The following PUF60 variants were observed in gnomAD, a reference collection of about 807,000 sequenced individuals.
PUF60 encodes the protein poly(U)-binding-splicing factor PUF60.
In PUF60, 10 loss-of-function variants were observed where a neutral mutation model predicts 61.8. That is an observed-to-expected ratio of 0.16 (90% CI 0.10 to 0.27). The LOEUF (loss-of-function observed/expected upper bound fraction) is 0.27, where lower values mean the gene tolerates loss of function less well. Among genes scored for constraint, PUF60 ranks in the 10% least tolerant of loss-of-function variants. The pLI, the probability that PUF60 is intolerant of heterozygous loss-of-function variation, is 1.00. For missense variants in PUF60, 371 were observed against 754.0 expected (o/e 0.49, Z 5.95); for synonymous variants, 353 against 300.9 (o/e 1.17, Z -1.79).
Position 143,818,243 on chromosome 8 carries a change from G to C in PUF60, c.553C>G (p.Leu185Val). Residue 185 changes from leucine to valine, a missense_variant, in exon 7 of 12, where the codon CTG (leucine) becomes GTG (valine). Coordinates refer to ENST00000526683, the MANE Select transcript of PUF60 (RefSeq NM_078480.3). This position sits in a 1 kb window ranked among gnomAD's most constrained non-coding sequence, Gnocchi z 7.9. ...VEYEVPEAAQ[L>V]ALEQMNSVML... ...ACCGAGTTCATCTGCTCCAAGGCCA[G>C]CTGTGCAGCTTCGGGGACCTCATAC... 1 of 1,611,620 alleles carries C rather than the reference G, an allele frequency of 6.2e-7. No homozygotes were observed.
intron 1 of PUF60, chr8:143,827,382 T>TGAAAAGATGC (rs1817749823): frequency 2.2e-6 from 1 of 456,102 alleles, no homozygotes; most frequent in African/African-American, 2.0e-5. Flanking sequence ...CCAGAAGACC[T>TGAAAAGATGC]ACCCTTGCTG....
Position 143,816,415 on chromosome 8 carries a change from A to AGGCTG in PUF60, c.*100_*104dup, listed in dbSNP as rs1262349757. 3 of 1,307,716 alleles carry AGGCTG rather than the reference A, an allele frequency of 2.3e-6. No homozygotes were observed. The highest frequency in any genetic ancestry group is 3.1e-6 in the Non-Finnish European group (3 of 966,274). The allele number at this position is 1,307,716 out of a possible 1,614,324, so 81.0% of individuals were successfully genotyped here. A position where few individuals can be genotyped will look rare whatever the true frequency, so the allele number is the denominator to read the frequency against. On this transcript the variant is annotated 3_prime_UTR_variant, in exon 12 of 12. Coordinates refer to ENST00000526683, the MANE Select transcript of PUF60 (RefSeq NM_078480.3). The stretch of plus-strand genomic sequence containing the variant: ...GCATCCGCACCTTTATCCGCACTGT[A>AGGCTG]GGCTGGGCTGGGCAGAGCGCGCCTG...
chr8:143,818,750 C>A lies in PUF60; in HGVS notation c.349-216G>T. On this transcript the variant is annotated intron_variant, in intron 5 of 11. Transcript: ENST00000526683. The surrounding 1 kb of genome is among the most constrained non-coding windows in gnomAD (Gnocchi z 7.9). ...GGCCAGGCCCAGCGGCAGGACAGGA[C>A]GCACCCCAGCCCGCCAAGGTCCCAG... 1 of 591,860 alleles carries A rather than the reference C, an allele frequency of 1.7e-6. No individual in the cohort carries two copies. The highest frequency in any genetic ancestry group is 2.9e-6 in the Non-Finnish European group (1 of 339,918). 36.7% of individuals were successfully genotyped at this position (591,860 alleles called of 1,614,324 possible).
At chr8:143,820,453 G>T in intron 5 of PUF60, 1 of 609,998 alleles carries the variant, frequency 1.6e-6, no homozygotes, top group Non-Finnish European at 2.9e-6. Context: ...TTTTAAGGTG[G>T]GCCCTCAGAG....
chr8:143,827,349 T>C (rs893422486), intron 1 of PUF60: 4 of 455,956 alleles, frequency 8.8e-6, no homozygotes, highest in Admixed American at 2.4e-5. Context: ...AACGGAGCCA[T>C]GCGTCAAAGT....
chr8:143,817,307 G>A lies in PUF60; in HGVS notation c.1144+24C>T, dbSNP rs1586562386. 6 of 1,575,092 alleles carry A rather than the reference G, an allele frequency of 3.8e-6. No homozygotes were observed. The South Asian group carries it at 4.7e-5, about 12-fold the overall frequency. On this transcript the variant is annotated intron_variant, in intron 10 of 11. Coordinates refer to ENST00000526683, the MANE Select transcript of PUF60 (RefSeq NM_078480.3). This position sits in a 1 kb window ranked among gnomAD's most constrained non-coding sequence, Gnocchi z 7.4. ...GAGATGCCAGGACAGGAGAGGAGAG[G>A]ATCTGGTACCACTTAAGACTCACCT... is the stretch of plus-strand genomic sequence containing the variant.
intron 2 of PUF60, 148 bp downstream of exon 2, chr8:143,824,165 T>C: frequency 2.6e-6 from 2 of 759,554 alleles, no homozygotes; most frequent in East Asian, 2.7e-5. Flanking sequence ...CTGCGGGCAG[T>C]TGTCTGCCCA....
chr8:143,824,357 C>G lies in PUF60; in HGVS notation c.67G>C (p.Ala23Pro). ...TCTCCCGCTGCCACCACTGCCGCCG[C>G]CGCCGCCGGCTCGGACCCCCCTCCT... ...QQGGGSEPAA[A>P]AAVVAAGDKW... Residue 23 changes from alanine to proline, a missense_variant, in exon 2 of 12, where the codon GCG becomes CCG. Physicochemically the swap from Ala to Pro is conservative, Grantham distance 27. Around this residue, in one of 13 missense-constraint regions of PUF60, gnomAD observed 69 missense variants for 64.7 expected, o/e 1.07. Transcript: ENST00000526683. 6.2e-7 allele frequency: 1 copy of G among 1,612,632 alleles called. No homozygotes were observed. The highest frequency in any genetic ancestry group is 8.5e-7 in the Non-Finnish European group (1 of 1,179,762).
At chr8:143,820,519 A>G in intron 5 of PUF60, 147 bp downstream of exon 5, 1 of 936,362 alleles carries the variant, frequency 1.1e-6, no homozygotes, top group Non-Finnish European at 1.7e-6. Flanking sequence ...CACTGGCCCC[A>G]CCACGCCTGG....
chr8:143,820,768 G>A (rs374235487), intron 4 of PUF60, 52 bp from the exon 5 acceptor site: 36 of 1,531,842 alleles, frequency 2.4e-5, no homozygotes, highest in Non-Finnish European at 3.1e-5. Context: ...GCAGTCTCCC[G>A]CTCTCGTCAA....
At chr8:143,823,733 C>T (rs1300031737) in intron 2 of PUF60, among the ~76,000 whole-genome samples, 4 of 152,216 alleles carry the variant, frequency 2.6e-5, no homozygotes, top group Admixed American at 6.5e-5. Context: ...CAGCCACAGG[C>T]CCAGCTCCAC....
chr8:143,818,089 G>T lies in PUF60; in HGVS notation c.604-14C>A. The T allele has an allele frequency of 6.2e-7, 1 of 1,610,032 alleles. No homozygotes were observed. Among genetic ancestry groups the T allele is most frequent in the East Asian group, 2.2e-5 (1 of 44,812 alleles). Reference sequence around the variant, plus strand: ...GGGTCTGCCCACCTGGGGAAGAGGCGGTGAGATGGAAAGACCGGTCAACCC... The same window carrying T: ...GGGTCTGCCCACCTGGGGAAGAGGCTGTGAGATGGAAAGACCGGTCAACCC... On this transcript the variant is annotated splice_polypyrimidine_tract_variant and intron_variant, in intron 7 of 11. Transcript: ENST00000526683. The surrounding 1 kb of genome is among the most constrained non-coding windows in gnomAD (Gnocchi z 7.9).
chr8:143,818,357 G>A lies in PUF60; in HGVS notation c.510+16C>T, dbSNP rs369939884. ...GGGCGAGCCCGAAGTGGCCGGGGCG[G>A]ACCAAGCCTGCTGACCTTGTGCTTC... On this transcript the variant is annotated intron_variant, in intron 6 of 11. Coordinates refer to ENST00000526683, the MANE Select transcript of PUF60 (RefSeq NM_078480.3). This position sits in a 1 kb window ranked among gnomAD's most constrained non-coding sequence, Gnocchi z 7.9. The A allele has an allele frequency of 1.2e-5, 19 of 1,611,926 alleles. No homozygotes were observed. In the African/African-American group the frequency reaches 2.1e-4, roughly 18 times the overall value.
At chr8:143,819,788 G>A (rs924154643) in intron 5 of PUF60, among the ~76,000 whole-genome samples, 2 of 151,978 alleles carry the variant, frequency 1.3e-5, no homozygotes, top group African/African-American at 4.8e-5. Context: ...TGTCCCTCAG[G>A]TCATGGTTCC....
intron 2 of PUF60, 24 bp downstream of exon 2, chr8:143,824,289 G>A (rs994895310): frequency 3.2e-6 from 5 of 1,580,460 alleles, no homozygotes; most frequent in Non-Finnish European, 4.3e-6. Flanking sequence ...CGGGCCTGAG[G>A]GAGAGGATGC....
At chr8:143,824,471 C>G in intron 1 of PUF60, 72 bp from the exon 2 acceptor site, 1 of 1,506,640 alleles carries the variant, frequency 6.6e-7, no homozygotes, top group Non-Finnish European at 9.1e-7. Flanking sequence ...TCCTCCCGAG[C>G]TAAGGGCTGA....
In PUF60 at chr8:143,818,546, C is replaced by T; in HGVS notation, c.349-12G>A. 1 of 1,574,972 alleles carries T rather than the reference C, an allele frequency of 6.3e-7. No homozygotes were observed. Among genetic ancestry groups the T allele is most frequent in the Non-Finnish European group, 8.6e-7 (1 of 1,160,446 alleles). ...CGCTGAGCCGCCATCTGCAGCAGGA[C>T]AGAGGGGAGAGAACCGCTGGCTCGT... is the stretch of plus-strand genomic sequence containing the variant. On this transcript the variant is annotated splice_polypyrimidine_tract_variant and intron_variant, in intron 5 of 11. Transcript: ENST00000526683. This position sits in a 1 kb window ranked among gnomAD's most constrained non-coding sequence, Gnocchi z 7.9.
At chr8:143,820,537 C>T (rs1234360295) in intron 5 of PUF60, 129 bp downstream of exon 5, 1 of 1,093,506 alleles carries the variant, frequency 9.1e-7, no homozygotes, top group Non-Finnish European at 1.4e-6. Flanking sequence ...TGGCGCTCTG[C>T]TGCGCTCGTC....
At chr8:143,819,623 T>G (rs1298301814) in intron 5 of PUF60, among the ~76,000 whole-genome samples, 2 of 152,150 alleles carry the variant, frequency 1.3e-5, no homozygotes, top group Non-Finnish European at 1.5e-5. Context: ...GTGAGATATC[T>G]TCCTTCAAAC....
Sources: allele counts gnomAD v4.1 joint callset (sites outside exome capture counted in the v4.1 genomes callset), GRCh38; gene constraint gnomAD v4.1.1; regional missense constraint gnomAD v4.1.1; non-coding constraint Gnocchi (gnomAD v3.1); transcripts MANE v1.5; gene names NCBI Gene and HGNC (gene_info 2026-07-23, HGNC 2026-07-21).